LRRC49: variants seen among roughly 807,000 people sequenced by gnomAD.
LRRC49 encodes leucine rich repeat containing 49, also known as leucine-rich repeat-containing protein 49.
A neutral mutation model predicts 83.3 loss-of-function variants in LRRC49; 50 were observed. The observed-to-expected ratio is 0.60, with a 90% confidence interval of 0.48 to 0.76. The LOEUF (loss-of-function observed/expected upper bound fraction) is 0.76. Among genes scored for constraint, LRRC49 ranks in the 30% least tolerant of loss-of-function variants. LRRC49 has a pLI of 0.00. For synonymous variants in LRRC49, 286 were observed against 283.3 expected, an observed-to-expected ratio of 1.01 and a Z score of -0.10; for missense variants, 704 against 809.1, an observed-to-expected ratio of 0.87 and a Z score of 1.58.
At chr15:70,936,917 C>T in intron 8 of LRRC49, 95 bp downstream of exon 8, 1 of 771,260 alleles carries the variant, frequency 1.3e-6, no homozygotes. Context: ...GAGAATTTTA[C>T]TAGCATGGAA....
chr15:70,854,564 G>C (rs955832067), intron 1 of LRRC49, among the ~76,000 whole-genome samples: 2 of 152,210 alleles, frequency 1.3e-5, no homozygotes, highest in Admixed American at 1.3e-4. Context: ...GGCCTCCTGC[G>C]TGTCTCCCCC....
At chr15:71,022,900 G>T (rs2039037927) in intron 14 of LRRC49, among the ~76,000 whole-genome samples, 1 of 152,142 alleles carries the variant, frequency 6.6e-6, no homozygotes. Context: ...ACCAAATACT[G>T]TTCATAAAGC....
chr15:71,044,886 C>CTTTTTTT (rs71152326), intron 15 of LRRC49, among the ~76,000 whole-genome samples: 1 of 74,458 alleles, frequency 1.3e-5, no homozygotes. Flanking sequence ...CAGAAACAAT[C>CTTTTTTT]TTTTTTTTTT....
chr15:71,042,274 GA>G (rs1437598354), intron 15 of LRRC49, among the ~76,000 whole-genome samples: 7 of 152,244 alleles, frequency 4.6e-5, no homozygotes, highest in African/African-American at 1.7e-4. Flanking sequence ...CAGGCATGCA[GA>G]TTTTTAAAAA....
At chr15:70,896,717 G>A (rs1434014226) in intron 3 of LRRC49, among the ~76,000 whole-genome samples, 1 of 152,148 alleles carries the variant, frequency 6.6e-6, no homozygotes, top group Non-Finnish European at 1.5e-5. Flanking sequence ...GAGTTTATAT[G>A]AGAGGGCTGA....
chr15:70,979,617 A>G (rs2037327940), intron 9 of LRRC49, among the ~76,000 whole-genome samples: 2 of 152,136 alleles, frequency 1.3e-5, no homozygotes, highest in Admixed American at 1.3e-4. Context: ...AAAAGTAATT[A>G]TATTAATGGG....
intron 8 of LRRC49, among the ~76,000 whole-genome samples, chr15:70,957,473 C>T (rs948710073): frequency 6.6e-6 from 1 of 151,878 alleles, no homozygotes; most frequent in South Asian, 2.1e-4. Context: ...TAAGAAAATT[C>T]ACTCATTCAC....
At position 70,949,287 on chromosome 15, in the gene LRRC49, A is replaced by G. The variant is rs191656598; in HGVS notation, c.773+12465A>G. ...TTTTGGTCAACGATGGACCACATTT[A>G]CAATGGTGGTTACCTAGACTATAAA... On this transcript the variant is annotated intron_variant, in intron 8 of 15. Coordinates refer to ENST00000260382, the MANE Select transcript of LRRC49 (RefSeq NM_017691.5). Among the ~76,000 whole-genome samples the G allele has an allele frequency of 2.2e-4, 34 of 152,332 alleles. No homozygotes were observed. The East Asian group carries it at 3.1e-3, about 14-fold the overall frequency.
At chr15:70,912,126 C>A (rs1438679862) in intron 6 of LRRC49, among the ~76,000 whole-genome samples, 2 of 152,062 alleles carry the variant, frequency 1.3e-5, no homozygotes, top group Admixed American at 6.5e-5. Context: ...CATTATATTA[C>A]TGAGATTTAA....
chr15:70,919,240 A>C (rs2034914062), intron 7 of LRRC49, 47 bp downstream of exon 7: 2 of 1,491,162 alleles, frequency 1.3e-6, no homozygotes, highest in Non-Finnish European at 1.8e-6. Context: ...CTTTCTTTCA[A>C]GGAATTGAAA....
chr15:70,971,257 C>T (rs999262557), intron 9 of LRRC49, among the ~76,000 whole-genome samples: 1 of 152,186 alleles, frequency 6.6e-6, no homozygotes, highest in Non-Finnish European at 1.5e-5. Flanking sequence ...CATTCAGGAG[C>T]AGGTTGTTCA....
chr15:70,853,795 C>A (rs914048178), intron 1 of LRRC49: 11 of 959,462 alleles, frequency 1.1e-5, no homozygotes, highest in Non-Finnish European at 1.3e-5. Context: ...ACCCCCTCTG[C>A]CCGAGGAGTT....
At chr15:70,938,720 T>C (rs2035692097) in intron 8 of LRRC49, among the ~76,000 whole-genome samples, 1 of 152,082 alleles carries the variant, frequency 6.6e-6, no homozygotes, top group Non-Finnish European at 1.5e-5. Flanking sequence ...CATAATAGAG[T>C]TGCCAGGTTT....
At chr15:71,029,950 C>T (rs927674965) in intron 14 of LRRC49, among the ~76,000 whole-genome samples, 8 of 152,018 alleles carry the variant, frequency 5.3e-5, no homozygotes, top group African/African-American at 1.2e-4. Context: ...TACAGCACAC[C>T]GATGGGTCTT....
chr15:70,892,608 G>A, upstream of LRRC49: 2 of 1,457,908 alleles, frequency 1.4e-6, no homozygotes, highest in South Asian at 2.8e-5. Context: ...AGTGTGGCCA[G>A]CCTCTTCCCC....
At chr15:71,007,147 T>C (rs1251417361) in intron 11 of LRRC49, among the ~76,000 whole-genome samples, 2 of 152,006 alleles carry the variant, frequency 1.3e-5, no homozygotes, top group Non-Finnish European at 2.9e-5. Flanking sequence ...TAAACAAATG[T>C]GTAGAAGGTT....
intron 11 of LRRC49, among the ~76,000 whole-genome samples, chr15:71,002,149 G>C (rs2038281132): frequency 6.6e-6 from 1 of 152,126 alleles, no homozygotes; most frequent in East Asian, 1.9e-4. Flanking sequence ...TAAAAAGCTA[G>C]TCAGAGGGCC....
At position 70,904,714 on chromosome 15, in the gene LRRC49, G is replaced by T; in HGVS notation, c.459G>T (p.Ser153=). ...DNQIEEISGL[S]TLRCLRVLLL... ...AGATTGAAGAAATTAGTGGGCTTTCGACTCTGAGATGTCTTCGTGTCCTTC... is the reference window on the plus strand; with the variant it reads ...AGATTGAAGAAATTAGTGGGCTTTCTACTCTGAGATGTCTTCGTGTCCTTC... The change falls in exon 5 of 16, where the codon TCG becomes TCT. Residue 153 remains serine (S), a synonymous_variant. Coordinates refer to ENST00000260382, the MANE Select transcript of LRRC49 (RefSeq NM_017691.5). The T allele has an allele frequency of 6.2e-7, 1 of 1,613,580 alleles. No homozygotes were observed. Among genetic ancestry groups the T allele is most frequent in the South Asian group, 1.1e-5 (1 of 90,992 alleles).
At chr15:70,942,396 G>A (rs568266991) in intron 8 of LRRC49, among the ~76,000 whole-genome samples, 125 of 152,176 alleles carry the variant, frequency 8.2e-4, no homozygotes, top group Non-Finnish European at 1.3e-3. Context: ...ACCAACATAC[G>A]TTTTATGATT....
Sources: gnomAD v4.1 joint callset for allele counts (sites outside exome capture counted in the v4.1 genomes callset) on GRCh38, gnomAD v4.1.1 for gene constraint, MANE v1.5 for transcripts, NCBI Gene and HGNC (gene_info 2026-07-23, HGNC 2026-07-21) for gene names.